PTPRD: variants seen among roughly 807,000 people sequenced by gnomAD.
PTPRD encodes protein tyrosine phosphatase receptor type D.
In PTPRD, 34 loss-of-function variants were observed where a neutral mutation model predicts 214.5. The ratio of observed to expected loss-of-function variants is 0.16; its 90% CI spans 0.12 to 0.21. PTPRD has a LOEUF of 0.21. Among genes scored for constraint, PTPRD ranks in the 10% least tolerant of loss-of-function variants. PTPRD has a pLI of 1.00. For missense variants in PTPRD, 2,545 were observed against 2,398.7 expected, an observed-to-expected ratio of 1.06 and a Z score of -1.27; for synonymous variants, 1,128 against 845.7, an observed-to-expected ratio of 1.33 and a Z score of -5.79.
At chr9:8,844,501 C>G (rs1270470727) in intron 11 of PTPRD, among the ~76,000 whole-genome samples, 2 of 151,882 alleles carry the variant, frequency 1.3e-5, no homozygotes, top group African/African-American at 4.8e-5. Flanking sequence ...TTTTTAAAAG[C>G]CTTGAAATAA....
chr9:9,165,191 C>T (rs1472895435), intron 10 of PTPRD, among the ~76,000 whole-genome samples: 1 of 151,806 alleles, frequency 6.6e-6, no homozygotes, highest in African/African-American at 2.4e-5. Flanking sequence ...AAGAATTGTT[C>T]TTTGAATCCA....
chr9:8,514,295 T>C (rs1237019891), intron 21 of PTPRD, among the ~76,000 whole-genome samples: 1 of 152,184 alleles, frequency 6.6e-6, no homozygotes, highest in Non-Finnish European at 1.5e-5. Flanking sequence ...TTGTCTAAGA[T>C]TCACATTTTG....
At chr9:9,595,040 T>C (rs542227879) in intron 7 of PTPRD, among the ~76,000 whole-genome samples, 25 of 151,870 alleles carry the variant, frequency 1.6e-4, no homozygotes, top group African/African-American at 5.5e-4. Flanking sequence ...AATGCAATAC[T>C]ACCTTACTCC....
intron 9 of PTPRD, among the ~76,000 whole-genome samples, chr9:9,290,614 G>C (rs1291793997): frequency 2.0e-5 from 3 of 151,222 alleles, no homozygotes; most frequent in Non-Finnish European, 3.0e-5. Context: ...TGTGTATCCA[G>C]TACCAGTCTT....
chr9:8,690,282 C>T (rs2097775668), intron 12 of PTPRD, among the ~76,000 whole-genome samples: 1 of 151,902 alleles, frequency 6.6e-6, no homozygotes, highest in Non-Finnish European at 1.5e-5. Context: ...AGTCCCAGCA[C>T]TTTGGGAGGT....
Position 9,998,127 on chromosome 9 carries a change from A to AT in PTPRD, c.-472+35590_-472+35591insA, listed in dbSNP as rs1231969776. On this transcript the variant is annotated intron_variant, in intron 4 of 45. Transcript: ENST00000381196. ...ACTTAAAGTATAATAAAAAAAAAAA[A>AT]AAATATATATATATATATAAAAGAA... is the stretch of plus-strand genomic sequence containing the variant. 8.3e-3 allele frequency among the ~76,000 whole-genome samples: 457 copies of AT among 55,152 alleles called. 10 individuals carry two copies. The highest frequency in any genetic ancestry group is 0.033 in the Middle Eastern group (3 of 92). 36.2% of individuals were successfully genotyped at this position (55,152 alleles called of 152,430 possible).
At chr9:9,746,832 T>G (rs376307733) in intron 6 of PTPRD, among the ~76,000 whole-genome samples, 1 of 147,498 alleles carries the variant, frequency 6.8e-6, no homozygotes, top group Non-Finnish European at 1.5e-5. Flanking sequence ...TTTTTTTTTT[T>G]TGGCAGATGC....
At chr9:9,230,972 A>G (rs1360723485) in intron 9 of PTPRD, among the ~76,000 whole-genome samples, 2 of 152,084 alleles carry the variant, frequency 1.3e-5, no homozygotes, top group African/African-American at 2.4e-5. Flanking sequence ...TCAAATAGCC[A>G]ATCTCACACT....
chr9:9,307,418 T>G (rs1366064934), intron 9 of PTPRD, among the ~76,000 whole-genome samples: 1 of 152,124 alleles, frequency 6.6e-6, no homozygotes, highest in East Asian at 1.9e-4. Flanking sequence ...TTACCTCCAT[T>G]CCTATGTCTT....
intron 5 of PTPRD, among the ~76,000 whole-genome samples, chr9:9,908,374 G>C (rs1329746763): frequency 6.6e-6 from 1 of 151,974 alleles, no homozygotes; most frequent in East Asian, 1.9e-4. Flanking sequence ...ATGTGAACAG[G>C]TGGGAAGGGG....
intron 11 of PTPRD, among the ~76,000 whole-genome samples, chr9:8,889,315 T>C (rs985460402): frequency 6.6e-6 from 1 of 152,116 alleles, no homozygotes; most frequent in African/African-American, 2.4e-5. Flanking sequence ...AATATGTATG[T>C]CTTGTTCACC....
chr9:10,360,249 G>C (rs989865791), intron 2 of PTPRD, among the ~76,000 whole-genome samples: 1 of 152,174 alleles, frequency 6.6e-6, no homozygotes, highest in East Asian at 1.9e-4. Context: ...ATCAATCCTG[G>C]CTTCAGTTTC....
intron 4 of PTPRD, among the ~76,000 whole-genome samples, chr9:10,000,882 G>C (rs916021675): frequency 6.6e-6 from 1 of 152,126 alleles, no homozygotes; most frequent in African/African-American, 2.4e-5. Context: ...TGCATATTAA[G>C]AGCCTGGGGT....
At chr9:10,378,695 G>T (rs1323262228) in intron 2 of PTPRD, among the ~76,000 whole-genome samples, 1 of 151,828 alleles carries the variant, frequency 6.6e-6, no homozygotes, top group African/African-American at 2.4e-5. Flanking sequence ...TTATTCCAGT[G>T]CCATGCTGTT....
At chr9:9,246,602 G>C (rs930110583) in intron 9 of PTPRD, among the ~76,000 whole-genome samples, 2 of 151,976 alleles carry the variant, frequency 1.3e-5, no homozygotes, top group African/African-American at 4.8e-5. Context: ...ATTGACTTTT[G>C]CTTTTCTTTC....
intron 12 of PTPRD, among the ~76,000 whole-genome samples, chr9:8,654,772 T>C (rs1323143586): frequency 6.6e-6 from 1 of 152,052 alleles, no homozygotes; most frequent in Admixed American, 6.5e-5. Flanking sequence ...ACTACAGTAA[T>C]TGGTTTCCCT....
At chr9:8,443,018 G>A (rs2095599307) in intron 34 of PTPRD, among the ~76,000 whole-genome samples, 1 of 152,210 alleles carries the variant, frequency 6.6e-6, no homozygotes, top group South Asian at 2.1e-4. Context: ...TGTGGCACAT[G>A]CCTGTGGTCC....
At chr9:10,402,309 T>A (rs150297100) in intron 2 of PTPRD, among the ~76,000 whole-genome samples, 1 of 151,754 alleles carries the variant, frequency 6.6e-6, no homozygotes, top group African/African-American at 2.4e-5. Flanking sequence ...TATACTTCTA[T>A]GAACTCTCTG....
chr9:10,078,530 A>G lies in PTPRD; in HGVS notation c.-544-44740T>C, dbSNP rs536024568. ...GACTCCATCTAAAAAAAAAAAAAAA[A>G]AAAAAAAAGAAAGAACCCACCCATA... On this transcript the variant is annotated intron_variant, in intron 3 of 45. Transcript: ENST00000381196. 1.4e-4 allele frequency among the ~76,000 whole-genome samples: 21 copies of G among 150,358 alleles called. No individual in the cohort carries two copies. The East Asian group carries it at 1.8e-3, about 13-fold the overall frequency.
Sources: allele counts gnomAD v4.1 joint callset (sites outside exome capture counted in the v4.1 genomes callset), GRCh38; gene constraint gnomAD v4.1.1; transcripts MANE v1.5; gene names NCBI Gene and HGNC (gene_info 2026-07-23, HGNC 2026-07-21).